PPP2R3A: variants seen among roughly 807,000 people sequenced by gnomAD.
PPP2R3A encodes protein phosphatase 2 regulatory subunit B''alpha.
In PPP2R3A, 80 loss-of-function variants were observed where a neutral mutation model predicts 106.9. The observed-to-expected ratio is 0.75, with a 90% CI of 0.62 to 0.90. The LOEUF (loss-of-function observed/expected upper bound fraction) is 0.90, where lower values mean the gene tolerates loss of function less well. Among genes scored for constraint, PPP2R3A ranks in the 40% least tolerant of loss-of-function variants. The pLI is 0.00. For missense variants in PPP2R3A, 1,386 were observed against 1,350.4 expected, an observed-to-expected ratio of 1.03 and a Z score of -0.41; for synonymous variants, 483 against 468.3, an observed-to-expected ratio of 1.03 and a Z score of -0.41.
chr3:135,989,571 A>G (rs1428363864), intron 1 of PPP2R3A, among the ~76,000 whole-genome samples: 1 of 151,748 alleles, frequency 6.6e-6, no homozygotes, highest in South Asian at 2.1e-4. Context: ...TTATTCATCT[A>G]TGTCTGGAAC....
At chr3:136,120,718 T>G (rs1427087922) in intron 13 of PPP2R3A, among the ~76,000 whole-genome samples, 1 of 151,890 alleles carries the variant, frequency 6.6e-6, no homozygotes, top group African/African-American at 2.4e-5. Context: ...TATAAGGAAC[T>G]TAAAAAAATC....
intron 12 of PPP2R3A, among the ~76,000 whole-genome samples, chr3:136,105,140 G>A (rs1306732539): frequency 6.6e-6 from 1 of 152,180 alleles, no homozygotes; most frequent in African/African-American, 2.4e-5. Flanking sequence ...GAGAAGGGCT[G>A]TTTCCAGGAA....
In PPP2R3A at chr3:136,101,990, T is replaced by A; in HGVS notation, c.2928-17T>A. 1 of 1,606,044 alleles carries A rather than the reference T, an allele frequency of 6.2e-7. No individual in the cohort carries two copies. Among genetic ancestry groups the A allele is most frequent in the Middle Eastern group, 1.7e-4 (1 of 5,988 alleles). On this transcript the variant is annotated splice_polypyrimidine_tract_variant and intron_variant, in intron 10 of 13. Transcript: ENST00000264977. ...GTCTTTACCAGGCCCATGATAATGA[T>A]TGTCCTTATCATCTAGCATTGAGTA...
chr3:136,128,183 T>G (rs1938256998), intron 13 of PPP2R3A, among the ~76,000 whole-genome samples: 1 of 151,926 alleles, frequency 6.6e-6, no homozygotes, highest in South Asian at 2.1e-4. Flanking sequence ...TAAATATAAA[T>G]GGGCTAAATG....
intron 4 of PPP2R3A, among the ~76,000 whole-genome samples, chr3:136,044,619 A>G (rs1935411337): frequency 6.6e-6 from 1 of 151,944 alleles, no homozygotes; most frequent in Non-Finnish European, 1.5e-5. Flanking sequence ...GATGGCCAAG[A>G]AGACACAGCC....
chr3:136,136,045 CAAAAAA>C (rs34558229), intron 13 of PPP2R3A, among the ~76,000 whole-genome samples: 8 of 22,380 alleles, frequency 3.6e-4, no homozygotes, highest in East Asian at 1.7e-3. Context: ...GACTCCGTCT[CAAAAAA>C]AAAAAAAAAA....
chr3:135,970,291 G>C (rs1424754451), intron 1 of PPP2R3A, among the ~76,000 whole-genome samples: 1 of 152,176 alleles, frequency 6.6e-6, no homozygotes, highest in East Asian at 1.9e-4. Context: ...GCCTTGCTCA[G>C]AATTAAAGTG....
Position 136,001,963 on chromosome 3 carries a change from A to C in PPP2R3A, c.465A>C (p.Ser155=). ...AGTCTGACTCATTTAATAGGAGGTC[A>C]GTTGATTTGGACTTGCTTTGTGGCC... ...KVKSDSFNRR[S]VDLDLLCGHY... is the part of the protein sequence containing the mutation. Residue 155 remains serine (S), a synonymous_variant, in exon 2 of 14, where the codon TCA becomes TCC. Coordinates refer to ENST00000264977, the MANE Select transcript of PPP2R3A (RefSeq NM_002718.5). The C allele has an allele frequency of 6.2e-7, 1 of 1,614,192 alleles. No homozygotes were observed. The highest frequency in any genetic ancestry group is 8.5e-7 in the Non-Finnish European group (1 of 1,180,018).
At chr3:135,977,613 A>G (rs1177703835) in intron 1 of PPP2R3A, among the ~76,000 whole-genome samples, 3 of 152,118 alleles carry the variant, frequency 2.0e-5, no homozygotes, top group Admixed American at 6.5e-5. Flanking sequence ...AAAGAGCATA[A>G]AAAATATAAT....
chr3:135,970,682 C>T (rs1937222281), intron 1 of PPP2R3A, among the ~76,000 whole-genome samples: 1 of 152,086 alleles, frequency 6.6e-6, no homozygotes, highest in African/African-American at 2.4e-5. Context: ...TTGGAAATTC[C>T]TTTGAGAAGC....
intron 5 of PPP2R3A, among the ~76,000 whole-genome samples, chr3:136,057,508 G>T (rs993440752): frequency 2.0e-5 from 3 of 152,028 alleles, no homozygotes; most frequent in Non-Finnish European, 4.4e-5. Context: ...CCAGGAAGGG[G>T]GAAAGGGGAG....
intron 5 of PPP2R3A, among the ~76,000 whole-genome samples, chr3:136,064,175 C>A (rs563616729): frequency 1.1e-3 from 161 of 149,480 alleles, no homozygotes; most frequent in African/African-American, 3.6e-3. Flanking sequence ...GGACAAAAAA[C>A]CAAACACCGC....
chr3:135,968,250 G>A (rs1426261141), intron 1 of PPP2R3A, among the ~76,000 whole-genome samples: 3 of 152,198 alleles, frequency 2.0e-5, no homozygotes, highest in Non-Finnish European at 4.4e-5. Flanking sequence ...GGTGACAGAT[G>A]TATACATGCA....
At position 136,002,230 on chromosome 3, in the gene PPP2R3A, A is replaced by G; in HGVS notation, c.732A>G (p.Lys244=). 6.2e-7 allele frequency: 1 copy of G among 1,613,824 alleles called. No homozygotes were observed. The change falls in exon 2 of 14, where the codon AAA becomes AAG. Residue 244 remains lysine, a synonymous_variant. Transcript: ENST00000264977. ...TATTGAAATGCTCCGAGGATTTAAA[A>G]AAATGCACAGACATCATAAAACAAT... ...DILLKCSEDL[K]KCTDIIKQCI... is the part of the protein sequence containing the mutation.
At chr3:136,075,702 T>G (rs61683900) in intron 6 of PPP2R3A, among the ~76,000 whole-genome samples, 14,416 of 152,154 alleles carry the variant, frequency 0.095, 866 homozygotes, top group African/African-American at 0.17. Context: ...TCATAAATAA[T>G]ATAAAGTATT....
intron 5 of PPP2R3A, among the ~76,000 whole-genome samples, chr3:136,057,084 A>G (rs1435635574): frequency 6.7e-6 from 1 of 148,296 alleles, no homozygotes; most frequent in Non-Finnish European, 1.5e-5. Flanking sequence ...CCCCACACAC[A>G]CCGTTGGTGG....
At chr3:135,986,051 C>A (rs1378851107) in intron 1 of PPP2R3A, among the ~76,000 whole-genome samples, 1 of 151,886 alleles carries the variant, frequency 6.6e-6, no homozygotes, top group African/African-American at 2.4e-5. Context: ...CGGTGAGGAA[C>A]AAGAAAGGCA....
At position 136,146,904 on chromosome 3, in the gene PPP2R3A, T is replaced by C. The variant is rs1411448579; in HGVS notation, c.*1738T>C. ...AAATACTTTTCTTAGAAGCCAGATA[T>C]GGTTTAAATGTTTTATTATCCATAA... On this transcript the variant is annotated 3_prime_UTR_variant, in exon 14 of 14. Transcript: ENST00000264977. 3 of 152,052 alleles carry C rather than the reference T, an allele frequency of 2.0e-5. No individual in the cohort carries two copies. Among genetic ancestry groups the C allele is most frequent in the Non-Finnish European group, 4.4e-5 (3 of 68,014 alleles). 9.4% of individuals were successfully genotyped at this position (152,052 alleles called of 1,614,324 possible).
At chr3:136,035,325 T>C (rs1935049087) in intron 3 of PPP2R3A, among the ~76,000 whole-genome samples, 1 of 152,234 alleles carries the variant, frequency 6.6e-6, no homozygotes, top group South Asian at 2.1e-4. Context: ...TTATAGGTCC[T>C]GTGGGATTTA....
Sources: allele counts gnomAD v4.1 joint callset (sites outside exome capture counted in the v4.1 genomes callset), GRCh38; gene constraint gnomAD v4.1.1; transcripts MANE v1.5; gene names NCBI Gene and HGNC (gene_info 2026-07-23, HGNC 2026-07-21).